Variants in EXOC4 observed in about 807,000 individuals in gnomAD.
EXOC4 encodes exocyst complex component 4.
In EXOC4, 71 loss-of-function variants were observed where a neutral mutation model predicts 107.2. The observed-to-expected ratio is 0.66, with a 90% CI of 0.55 to 0.81. The LOEUF is 0.81. EXOC4 is among the 30% of genes least tolerant of loss of function. EXOC4 has a pLI of 0.00. For synonymous variants in EXOC4, 456 were observed against 441.2 expected, an observed-to-expected ratio of 1.03 and a Z score of -0.42; for missense variants, 1,108 against 1,189.6, an observed-to-expected ratio of 0.93 and a Z score of 1.01.
chr7:133,894,075 G>T (rs1166755976), intron 11 of EXOC4, among the ~76,000 whole-genome samples: 49 of 91,036 alleles, frequency 5.4e-4, no homozygotes, highest in African/African-American at 4.4e-3. Flanking sequence ...CCAATCAGAC[G>T]TAGATTTGGT....
intron 4 of EXOC4, among the ~76,000 whole-genome samples, chr7:133,313,366 T>A (rs1794919597): frequency 6.6e-6 from 1 of 152,206 alleles, no homozygotes. Flanking sequence ...GAAGTCTTAC[T>A]AAGGGCACGT....
At chr7:133,944,845 A>T (rs1800512073) in intron 14 of EXOC4, among the ~76,000 whole-genome samples, 1 of 152,206 alleles carries the variant, frequency 6.6e-6, no homozygotes. Flanking sequence ...GGGTTGCTAC[A>T]TGTGCTAAAC....
In EXOC4 at chr7:133,269,670, A is replaced by G. The variant is rs1793817568; in HGVS notation, c.87-5312A>G. On this transcript the variant is annotated intron_variant, in intron 1 of 17. Coordinates refer to ENST00000253861, the MANE Select transcript of EXOC4 (RefSeq NM_021807.4). Reference sequence around the variant, plus strand: ...AGTTGACTTGTCAGCACTTACTGTCAAAGGGATCTTGGATAATTTTTGGAC... The same window carrying G: ...AGTTGACTTGTCAGCACTTACTGTCGAAGGGATCTTGGATAATTTTTGGAC... 3.3e-5 allele frequency among the ~76,000 whole-genome samples: 5 copies of G among 152,210 alleles called. No individual in the cohort carries two copies. In the South Asian group the frequency reaches 1.0e-3, roughly 31 times the overall value.
chr7:134,065,481 C>G lies in EXOC4; in HGVS notation c.*953C>G, dbSNP rs367691209. ...CCTGTCTCTGAATTGTTCCCTCCCCCGCAATGTGGGCACTTACCATGTTCC... is the reference window on the plus strand; with the variant it reads ...CCTGTCTCTGAATTGTTCCCTCCCCGGCAATGTGGGCACTTACCATGTTCC... On this transcript the variant is annotated 3_prime_UTR_variant, in exon 18 of 18. Coordinates refer to ENST00000253861, the MANE Select transcript of EXOC4 (RefSeq NM_021807.4). The G allele has an allele frequency of 1.3e-5, 2 of 152,310 alleles. No individual in the cohort carries two copies. The highest frequency in any genetic ancestry group is 6.5e-5 in the Admixed American group (1 of 15,280). 9.4% of individuals were successfully genotyped at this position (152,310 alleles called of 1,614,324 possible). A position where few individuals can be genotyped will look rare whatever the true frequency, so the allele number is the denominator to read the frequency against.
intron 7 of EXOC4, among the ~76,000 whole-genome samples, chr7:133,375,736 G>C (rs1002925153): frequency 1.3e-5 from 2 of 152,130 alleles, no homozygotes; most frequent in Non-Finnish European, 2.9e-5. Context: ...CTTATTTTGA[G>C]AGATGAGAAT....
intron 10 of EXOC4, among the ~76,000 whole-genome samples, chr7:133,757,502 A>G (rs1795943690): frequency 6.6e-6 from 1 of 152,232 alleles, no homozygotes; most frequent in Non-Finnish European, 1.5e-5. Flanking sequence ...TGAAGTCAAA[A>G]CTACTTGGTG....
intron 3 of EXOC4, among the ~76,000 whole-genome samples, chr7:133,290,333 C>A (rs2150547951): frequency 6.6e-6 from 1 of 152,212 alleles, no homozygotes; most frequent in Admixed American, 6.5e-5. Context: ...AAGATTGACT[C>A]TTGGGAATGA....
At position 133,607,027 on chromosome 7, in the gene EXOC4, G is replaced by A. The variant is rs965494136; in HGVS notation, c.1418-23018G>A. 2.0e-4 allele frequency among the ~76,000 whole-genome samples: 31 copies of A among 152,078 alleles called. 1 individual carries two copies. The highest frequency in any genetic ancestry group is 2.4e-5 in the African/African-American group (1 of 41,406). On this transcript the variant is annotated intron_variant, in intron 9 of 17. Coordinates refer to ENST00000253861, the MANE Select transcript of EXOC4 (RefSeq NM_021807.4). ...TTTCTAGCTGTAGATCCTACAATGCGTATTTGCTAATAGTAATTTATTTTC... is the reference window on the plus strand; with the variant it reads ...TTTCTAGCTGTAGATCCTACAATGCATATTTGCTAATAGTAATTTATTTTC...
At chr7:133,378,211 T>C (rs1273120498) in intron 7 of EXOC4, among the ~76,000 whole-genome samples, 4 of 150,630 alleles carry the variant, frequency 2.7e-5, no homozygotes, top group Non-Finnish European at 5.9e-5. Flanking sequence ...CTCCGGAAGC[T>C]GAGGCAGAGA....
intron 11 of EXOC4, among the ~76,000 whole-genome samples, chr7:133,855,702 C>T (rs1798359991): frequency 6.6e-6 from 1 of 152,142 alleles, no homozygotes; most frequent in South Asian, 2.1e-4. Context: ...TAAGCCTTAG[C>T]CAGCTCCCCA....
chr7:133,731,111 T>G (rs1795317132), intron 10 of EXOC4, among the ~76,000 whole-genome samples: 2 of 152,186 alleles, frequency 1.3e-5, no homozygotes, highest in African/African-American at 2.4e-5. Flanking sequence ...AATTTATGTT[T>G]TGCACAATAT....
At chr7:133,498,256 A>G (rs1339039589) in intron 9 of EXOC4, among the ~76,000 whole-genome samples, 1 of 152,092 alleles carries the variant, frequency 6.6e-6, no homozygotes, top group Non-Finnish European at 1.5e-5. Flanking sequence ...GCTGCCTCCT[A>G]AGTGCCTTAC....
intron 9 of EXOC4, among the ~76,000 whole-genome samples, chr7:133,565,669 C>A (rs1385464882): frequency 1.3e-5 from 2 of 152,136 alleles, no homozygotes; most frequent in Non-Finnish European, 2.9e-5. Context: ...TAAAATAATT[C>A]ACTGTTTATC....
chr7:133,340,267 T>G (rs1274466090), intron 5 of EXOC4, among the ~76,000 whole-genome samples: 1 of 152,220 alleles, frequency 6.6e-6, no homozygotes, highest in Non-Finnish European at 1.5e-5. Flanking sequence ...ATTGAAATGA[T>G]CCTGTGATTT....
intron 9 of EXOC4, among the ~76,000 whole-genome samples, chr7:133,592,861 A>T (rs1240818982): frequency 1.3e-5 from 2 of 152,066 alleles, no homozygotes; most frequent in African/African-American, 4.8e-5. Context: ...TTGGCCTCCC[A>T]AAGTGCTGGG....
In EXOC4 at chr7:133,656,127, C is replaced by T. The variant is rs186454709; in HGVS notation, c.1514+25986C>T. ...TTGACCGAAACGTCATCCTGTGGTG[C>T]GTGACTGTAATAGGATATATTGCCT... On this transcript the variant is annotated intron_variant, in intron 10 of 17. Transcript: ENST00000253861. Among the ~76,000 whole-genome samples the T allele has an allele frequency of 1.1e-3, 174 of 152,126 alleles. 1 individual carries two copies. The highest frequency in any genetic ancestry group is 4.0e-3 in the African/African-American group (165 of 41,508).
At chr7:134,024,508 A>G (rs931929686) in intron 17 of EXOC4, among the ~76,000 whole-genome samples, 1 of 152,078 alleles carries the variant, frequency 6.6e-6, no homozygotes, top group Non-Finnish European at 1.5e-5. Flanking sequence ...ACAAAGGAGG[A>G]GAAATCAAGA....
At chr7:134,048,766 G>C (rs755606483) in intron 17 of EXOC4, among the ~76,000 whole-genome samples, 1 of 152,172 alleles carries the variant, frequency 6.6e-6, no homozygotes, top group Non-Finnish European at 1.5e-5. Context: ...CTTTACTGAG[G>C]TGCTGCCATC....
At chr7:133,749,332 C>A (rs181522024) in intron 10 of EXOC4, among the ~76,000 whole-genome samples, 1 of 152,026 alleles carries the variant, frequency 6.6e-6, no homozygotes, top group African/African-American at 2.4e-5. Context: ...TGGATGGTGG[C>A]CCATATTTAA....
Sources: allele counts gnomAD v4.1 joint callset (sites outside exome capture counted in the v4.1 genomes callset), GRCh38; gene constraint gnomAD v4.1.1; transcripts MANE v1.5; gene names NCBI Gene and HGNC (gene_info 2026-07-23, HGNC 2026-07-21).